Variants in PLAGL1 observed in about 807,000 individuals in gnomAD.
The protein encoded by PLAGL1 is zinc finger protein PLAGL1.
PLAGL1 carries 1 observed loss-of-function variant against 4.6 expected under a neutral mutation model. The observed-to-expected ratio is 0.22, with a 90% CI of 0.08 to 1.03. The LOEUF is 1.03. PLAGL1 is among the 50% of genes least tolerant of loss of function. PLAGL1 has a pLI of 0.58. For missense variants in PLAGL1, 464 were observed against 570.4 expected (o/e 0.81, Z 1.90); for synonymous variants, 240 against 237.8 (o/e 1.01, Z -0.08).
Position 143,994,649 on chromosome 6 carries a change from G to A in PLAGL1, c.-583-9475C>T, listed in dbSNP as rs1052540115. On this transcript the variant is annotated intron_variant, in intron 1 of 7. Transcript: ENST00000674357. The surrounding 1 kb of genome is among the most constrained non-coding windows in gnomAD (Gnocchi z 4.3). The stretch of plus-strand genomic sequence containing the variant: ...GTGACCACTGGAGCAGCTCATATTC[G>A]GTCCCAACATTTTATTCCTGCTTGC... Among the ~76,000 whole-genome samples, 2 of 152,098 alleles carry A rather than the reference G, an allele frequency of 1.3e-5. No homozygotes were observed. The highest frequency in any genetic ancestry group is 1.5e-5 in the Non-Finnish European group (1 of 68,018).
intron 1 of PLAGL1, among the ~76,000 whole-genome samples, chr6:144,062,538 C>T (rs1215167258): frequency 6.8e-6 from 1 of 147,088 alleles, no homozygotes; most frequent in Non-Finnish European, 1.5e-5. Flanking sequence ...ATATGTGTGG[C>T]TAGTACAGAA....
At chr6:143,977,074 A>C in intron 2 of PLAGL1, among the ~76,000 whole-genome samples, 1 of 144,238 alleles carries the variant, frequency 6.9e-6, no homozygotes, top group African/African-American at 2.6e-5. Context: ...AATTTCCCAT[A>C]TACTCCCTTC....
chr6:143,969,533 C>G (rs985108764), intron 2 of PLAGL1, among the ~76,000 whole-genome samples: 5 of 151,786 alleles, frequency 3.3e-5, no homozygotes, highest in African/African-American at 1.2e-4. Context: ...ACTTGTAATC[C>G]CAGCATTTTG....
chr6:143,977,259 C>T (rs529608319), intron 2 of PLAGL1, among the ~76,000 whole-genome samples: 2 of 152,102 alleles, frequency 1.3e-5, no homozygotes, highest in East Asian at 3.9e-4. Context: ...GACAGTTCTC[C>T]ATCATTATAA....
At chr6:143,943,269 G>T (rs1408037753) in intron 7 of PLAGL1, among the ~76,000 whole-genome samples, 17 of 151,862 alleles carry the variant, frequency 1.1e-4, no homozygotes, top group Admixed American at 2.6e-4. Context: ...TTCAGGAAGG[G>T]GTTAAAGGGG....
At position 144,055,489 on chromosome 6, in the gene PLAGL1, T is replaced by C. The variant is rs1035985204; in HGVS notation, c.-151+8979A>G. On this transcript the variant is annotated intron_variant, in intron 1 of 3. Transcript: ENST00000437412. This position sits in a 1 kb window ranked among gnomAD's most constrained non-coding sequence, Gnocchi z 5.0. ...GCTTTTGTCCCCAAATCTAGCTTCT[T>C]GTTGCCCTGGGTGCCTCTATCGTAG... Among the ~76,000 whole-genome samples, 2 of 152,228 alleles carry C rather than the reference T, an allele frequency of 1.3e-5. No homozygotes were observed. The highest frequency in any genetic ancestry group is 2.9e-5 in the Non-Finnish European group (2 of 68,052).
chr6:143,986,625 T>C (rs1789233225), intron 1 of PLAGL1, among the ~76,000 whole-genome samples: 3 of 152,188 alleles, frequency 2.0e-5, no homozygotes, highest in Admixed American at 2.0e-4. Context: ...ATGTTCAGAT[T>C]ATAGTAATTT....
rs1242607140 is a variant in PLAGL1, at chr6:143,965,853, AG to A, written c.-431+304del. 1 of 152,252 alleles carries A rather than the reference AG, an allele frequency of 6.6e-6. No homozygotes were observed. Among genetic ancestry groups the A allele is most frequent in the African/African-American group, 2.4e-5 (1 of 41,452 alleles). The allele number at this position is 152,252 out of a possible 1,614,324, so 9.4% of individuals were successfully genotyped here. A position where few individuals can be genotyped will look rare whatever the true frequency, so the allele number is the denominator to read the frequency against. ...CTTAACATGGGCAAATACCTACAGG[AG>A]GCTACTTTCCAATCTGTGGTGCCCA... is the stretch of plus-strand genomic sequence containing the variant. On this transcript the variant is annotated intron_variant, in intron 4 of 7. Transcript: ENST00000674357. The surrounding 1 kb of genome is among the most constrained non-coding windows in gnomAD (Gnocchi z 7.5).
chr6:143,986,087 G>A (rs1222428386), intron 1 of PLAGL1, among the ~76,000 whole-genome samples: 1 of 149,426 alleles, frequency 6.7e-6, no homozygotes, highest in African/African-American at 2.5e-5. Flanking sequence ...GAGGCACCAA[G>A]AGGTTTACAA....
chr6:143,968,700 A>G lies in PLAGL1; in HGVS notation c.-472+207T>C, dbSNP rs2128574895. The G allele has an allele frequency of 6.6e-6, 1 of 152,264 alleles. No individual in the cohort carries two copies. The highest frequency in any genetic ancestry group is 1.5e-5 in the Non-Finnish European group (1 of 68,044). 9.4% of individuals were successfully genotyped at this position (152,264 alleles called of 1,614,324 possible). A position where few individuals can be genotyped will look rare whatever the true frequency, so the allele number is the denominator to read the frequency against. ...ATTAAGTCCACATCTTAATCCCCCA[A>G]CCTTATTTTCCCCCTCAAGGCCTGA... On this transcript the variant is annotated intron_variant, in intron 3 of 7. Coordinates refer to ENST00000674357, the MANE Select transcript of PLAGL1 (RefSeq NM_001317162.2). The surrounding 1 kb of genome is among the most constrained non-coding windows in gnomAD (Gnocchi z 6.3).
intron 1 of PLAGL1, among the ~76,000 whole-genome samples, chr6:144,018,849 A>C (rs1336055397): frequency 6.6e-6 from 1 of 152,202 alleles, no homozygotes; most frequent in East Asian, 1.9e-4. Flanking sequence ...TAATGATGGA[A>C]TAATTAGATG....
Position 143,940,729 on chromosome 6 carries a change from ATTTTTT to A in PLAGL1, c.*689_*694del, listed in dbSNP as rs35981443. On this transcript the variant is annotated 3_prime_UTR_variant, in exon 8 of 8. Transcript: ENST00000674357. Reference sequence around the variant, plus strand: ...TACCACTTAACCTGGTTACACAGTGATTTTTTTTTTTTTTCTGTCAGATGTAACTGA... The same window carrying A: ...TACCACTTAACCTGGTTACACAGTGATTTTTTTTCTGTCAGATGTAACTGA... The A allele has an allele frequency of 6.8e-6, 1 of 147,360 alleles. No homozygotes were observed. Among genetic ancestry groups the A allele is most frequent in the Non-Finnish European group, 1.5e-5 (1 of 66,858 alleles). 9.1% of individuals were successfully genotyped at this position (147,360 alleles called of 1,614,324 possible).
At chr6:144,001,466 T>C (rs1380745335) in intron 1 of PLAGL1, among the ~76,000 whole-genome samples, 1 of 152,140 alleles carries the variant, frequency 6.6e-6, no homozygotes, top group East Asian at 1.9e-4. Flanking sequence ...ACAATAATAA[T>C]TGCTGCAGGC....
rs1784118439 is a variant in PLAGL1 at position 143,964,874 on chromosome 6, A to G, written c.-430-56T>C. 1 of 152,240 alleles carries G rather than the reference A, an allele frequency of 6.6e-6. No individual in the cohort carries two copies. Among genetic ancestry groups the G allele is most frequent in the Admixed American group, 6.5e-5 (1 of 15,276 alleles). The allele number at this position is 152,240 out of a possible 1,614,324, so 9.4% of individuals were successfully genotyped here. On this transcript the variant is annotated intron_variant, in intron 4 of 7. Transcript: ENST00000674357. The surrounding 1 kb of genome is among the most constrained non-coding windows in gnomAD (Gnocchi z 4.3). ...TTAAGGTCTTTATCTTGAGCTCTGAATTGCTAAAACAAACAAAAACACCCA... is the reference window on the plus strand; with the variant it reads ...TTAAGGTCTTTATCTTGAGCTCTGAGTTGCTAAAACAAACAAAAACACCCA...
chr6:144,051,412 G>T (rs1326985271), intron 1 of PLAGL1, among the ~76,000 whole-genome samples: 2 of 152,178 alleles, frequency 1.3e-5, no homozygotes, highest in Non-Finnish European at 1.5e-5. Flanking sequence ...CACCCACCAT[G>T]CATGAGGCAC....
intron 1 of PLAGL1, among the ~76,000 whole-genome samples, chr6:144,018,052 G>A (rs1402598087): frequency 6.6e-6 from 1 of 152,070 alleles, no homozygotes; most frequent in Non-Finnish European, 1.5e-5. Flanking sequence ...ACTAATGAAT[G>A]AGCACAGAAG....
chr6:144,057,605 T>C (rs982742484), intron 1 of PLAGL1, among the ~76,000 whole-genome samples: 1 of 152,190 alleles, frequency 6.6e-6, no homozygotes, highest in East Asian at 1.9e-4. Context: ...TAAAAGATGC[T>C]ACATTCCCTT....
Position 143,950,210 on chromosome 6 carries a change from T to C in PLAGL1, c.-324-1750A>G, listed in dbSNP as rs547603881. Among the ~76,000 whole-genome samples, 2 of 152,224 alleles carry C rather than the reference T, an allele frequency of 1.3e-5. No homozygotes were observed. Among genetic ancestry groups the C allele is most frequent in the South Asian group, 4.2e-4 (2 of 4,818 alleles). On this transcript the variant is annotated intron_variant, in intron 6 of 7. Transcript: ENST00000674357. This position sits in a 1 kb window ranked among gnomAD's most constrained non-coding sequence, Gnocchi z 6.3. ...CGGCCAGCACCTTGGCACCACACCTTCTTTGTGACGGCTGTGATTCTAGCA... is the reference window on the plus strand; with the variant it reads ...CGGCCAGCACCTTGGCACCACACCTCCTTTGTGACGGCTGTGATTCTAGCA...
At position 143,940,922 on chromosome 6, in the gene PLAGL1, A is replaced by C. The variant is rs982269983; in HGVS notation, c.*502T>G. The C allele has an allele frequency of 6.5e-6, 1 of 152,742 alleles. No homozygotes were observed. Among genetic ancestry groups the C allele is most frequent in the Non-Finnish European group, 1.5e-5 (1 of 68,080 alleles). 9.5% of individuals were successfully genotyped at this position (152,742 alleles called of 1,614,324 possible). Reference sequence around the variant, plus strand: ...AAAACTACAGGTTGGCTATGGTAATAGTAACTAAACTACATCCAACCCTGA... The same window carrying C: ...AAAACTACAGGTTGGCTATGGTAATCGTAACTAAACTACATCCAACCCTGA... On this transcript the variant is annotated 3_prime_UTR_variant, in exon 8 of 8. Coordinates refer to ENST00000674357, the MANE Select transcript of PLAGL1 (RefSeq NM_001317162.2).
Sources: allele counts gnomAD v4.1 joint callset (sites outside exome capture counted in the v4.1 genomes callset), GRCh38; gene constraint gnomAD v4.1.1; non-coding constraint Gnocchi (gnomAD v3.1); transcripts MANE v1.5; gene names NCBI Gene and HGNC (gene_info 2026-07-23, HGNC 2026-07-21).